The following SAP30BP variants were observed in gnomAD, a reference collection of about 807,000 sequenced individuals.
SAP30BP encodes the protein SAP30-binding protein.
A neutral mutation model predicts 46.3 loss-of-function variants in SAP30BP; 31 were observed. The ratio of observed to expected loss-of-function variants is 0.67; its 90% CI spans 0.50 to 0.90. The LOEUF is 0.90. Among genes scored for constraint, SAP30BP ranks in the 40% least tolerant of loss-of-function variants. The probability of loss-of-function intolerance (pLI) is 0.00; values close to 1 mark genes in which losing one functional copy is unlikely to be tolerated. For missense variants in SAP30BP, 312 were observed against 391.0 expected (o/e 0.80, Z 1.70); for synonymous variants, 169 against 144.2 (o/e 1.17, Z -1.23).
intron 3 of SAP30BP, among the ~76,000 whole-genome samples, chr17:75,675,909 C>T (rs2059982880): frequency 6.6e-6 from 1 of 152,118 alleles, no homozygotes; most frequent in Non-Finnish European, 1.5e-5. Context: ...AGACTGAAAC[C>T]TTGTCTCAAA....
At chr17:75,686,799 TG>T (rs2060164157) in intron 3 of SAP30BP, among the ~76,000 whole-genome samples, 1 of 152,202 alleles carries the variant, frequency 6.6e-6, no homozygotes, top group Non-Finnish European at 1.5e-5. Flanking sequence ...ATCTGGCCTC[TG>T]GGGTGGGATG....
chr17:75,703,712 G>A, intron 7 of SAP30BP, 96 bp from the exon 8 acceptor site: 1 of 1,121,128 alleles, frequency 8.9e-7, no homozygotes, highest in Non-Finnish European at 1.4e-6. Flanking sequence ...CCGGGTAAGG[G>A]GACCCCAGAC....
chr17:75,681,675 T>C (rs536986238), intron 3 of SAP30BP, among the ~76,000 whole-genome samples: 15 of 152,244 alleles, frequency 9.9e-5, no homozygotes, highest in Non-Finnish European at 2.1e-4. Context: ...AAATCTTATA[T>C]TCTTTTTATT....
chr17:75,692,595 C>A, intron 3 of SAP30BP: 1 of 798,282 alleles, frequency 1.3e-6, no homozygotes, highest in Non-Finnish European at 1.5e-6. Flanking sequence ...AGGGCTTGGA[C>A]CGTGGCTTTC....
intron 3 of SAP30BP, among the ~76,000 whole-genome samples, chr17:75,689,122 C>G (rs2060205367): frequency 6.6e-6 from 1 of 150,774 alleles, no homozygotes. Flanking sequence ...TCTAACTTGG[C>G]TTTTGTTTTT....
intron 9 of SAP30BP, 40 bp downstream of exon 9, chr17:75,704,854 T>A (rs1426451360): frequency 1.3e-6 from 2 of 1,494,132 alleles, no homozygotes; most frequent in African/African-American, 2.8e-5. Flanking sequence ...AAGGCACATG[T>A]GGAGTGCATG....
In SAP30BP at chr17:75,668,501, T is replaced by A; in HGVS notation, c.107-15T>A. 1 of 1,477,902 alleles carries A rather than the reference T, an allele frequency of 6.8e-7. No individual in the cohort carries two copies. The highest frequency in any genetic ancestry group is 9.2e-7 in the Non-Finnish European group (1 of 1,092,252). The allele number at this position is 1,477,902 out of a possible 1,614,324, so 91.5% of individuals were successfully genotyped here. A position where few individuals can be genotyped will look rare whatever the true frequency, so the allele number is the denominator to read the frequency against. On this transcript the variant is annotated splice_polypyrimidine_tract_variant and intron_variant, in intron 1 of 10. Coordinates refer to ENST00000584667, the MANE Select transcript of SAP30BP (RefSeq NM_013260.8). Reference sequence around the variant, plus strand: ...TCTTGCTTTTTGTTTGTTTGTTTGTTTTTTAACCTTTCAGAGGAGAAAGGC... The same window carrying A: ...TCTTGCTTTTTGTTTGTTTGTTTGTATTTTAACCTTTCAGAGGAGAAAGGC...
At chr17:75,697,404 G>A (rs1344674566) in intron 4 of SAP30BP, among the ~76,000 whole-genome samples, 1 of 152,206 alleles carries the variant, frequency 6.6e-6, no homozygotes, top group Admixed American at 6.5e-5. Context: ...TGGGAAGAAG[G>A]AGGAAGTTAG....
chr17:75,692,064 C>T (rs1377187998), intron 3 of SAP30BP: 1 of 223,148 alleles, frequency 4.5e-6, no homozygotes, highest in Non-Finnish European at 7.6e-6. Flanking sequence ...ACCTGATTGG[C>T]AGGGGGCAGT....
chr17:75,706,257 G>C lies in SAP30BP; in HGVS notation c.746-83G>C. 2 of 1,551,456 alleles carry C rather than the reference G, an allele frequency of 1.3e-6. No individual in the cohort carries two copies. Among genetic ancestry groups the C allele is most frequent in the African/African-American group, 2.7e-5 (2 of 74,152 alleles). On this transcript the variant is annotated intron_variant, in intron 10 of 10. Transcript: ENST00000584667. The surrounding 1 kb of genome is among the most constrained non-coding windows in gnomAD (Gnocchi z 4.6). Reference sequence around the variant, plus strand: ...GGGCCACTTCGGGGTCTGCTCCCTAGACTCCCGCTGGCCTGCAGGGGGAAG... The same window carrying C: ...GGGCCACTTCGGGGTCTGCTCCCTACACTCCCGCTGGCCTGCAGGGGGAAG...
rs778680337 is a variant in SAP30BP, at chr17:75,706,350, G to A, written c.756G>A (p.Lys252=). 1 of 1,613,404 alleles carries A rather than the reference G, an allele frequency of 6.2e-7. No homozygotes were observed. The highest frequency in any genetic ancestry group is 1.1e-5 in the South Asian group (1 of 91,084). ...CTGCTTTATCTCCAGATGCTCAGAA[G>A]AGAAAGAGCAAGTGGGATTCGGCTA... ...TASTAVADAQ[K]RKSKWDSAIP... is the part of the protein sequence containing the mutation. The change falls in exon 11 of 11, where the codon AAG becomes AAA. Residue 252 remains lysine (K), a synonymous_variant. Transcript: ENST00000584667. The surrounding 1 kb of genome is among the most constrained non-coding windows in gnomAD (Gnocchi z 4.6).
At chr17:75,678,869 C>T (rs563375238) in intron 3 of SAP30BP, among the ~76,000 whole-genome samples, 93 of 152,212 alleles carry the variant, frequency 6.1e-4, no homozygotes, top group African/African-American at 1.9e-3. Flanking sequence ...TGAAGCCGCG[C>T]GCAGAATTCC....
At chr17:75,669,799 C>G (rs2148365941) in intron 2 of SAP30BP, among the ~76,000 whole-genome samples, 1 of 152,248 alleles carries the variant, frequency 6.6e-6, no homozygotes, top group South Asian at 2.1e-4. Context: ...AAAGGAGAAC[C>G]TGTGCTATTA....
At chr17:75,699,681 T>TTCA in intron 4 of SAP30BP, 102 bp from the exon 5 acceptor site, 6 of 769,656 alleles carry the variant, frequency 7.8e-6, no homozygotes, top group Non-Finnish European at 1.1e-5. Flanking sequence ...TTCATAGTGT[T>TTCA]TATCCCTACC....
Position 75,706,312 on chromosome 17 carries a change from G to A in SAP30BP, c.746-28G>A, listed in dbSNP as rs371619366. ...AGAGGGCACCGCTCATTGGTGGATC[G>A]TGATCCTGATTTCTGCTTTATCTCC... is the stretch of plus-strand genomic sequence containing the variant. On this transcript the variant is annotated intron_variant, in intron 10 of 10. Transcript: ENST00000584667. The surrounding 1 kb of genome is among the most constrained non-coding windows in gnomAD (Gnocchi z 4.6). 303 of 1,605,400 alleles carry A rather than the reference G, an allele frequency of 1.9e-4. No homozygotes were observed. The highest frequency in any genetic ancestry group is 2.4e-4 in the Non-Finnish European group (284 of 1,176,328).
chr17:75,706,680 C>A lies in SAP30BP; in HGVS notation c.*159C>A. On this transcript the variant is annotated 3_prime_UTR_variant, in exon 11 of 11. Transcript: ENST00000584667. This position sits in a 1 kb window ranked among gnomAD's most constrained non-coding sequence, Gnocchi z 4.6. ...ATTCCAGATGGAAGGACAGGCAGCACGGGAGCCAGGCGCTGTGGACAGGGT... is the reference window on the plus strand; with the variant it reads ...ATTCCAGATGGAAGGACAGGCAGCAAGGGAGCCAGGCGCTGTGGACAGGGT... 5.9e-6 allele frequency: 4 copies of A among 680,582 alleles called. No individual in the cohort carries two copies. Among genetic ancestry groups the A allele is most frequent in the Non-Finnish European group, 7.4e-6 (3 of 404,404 alleles). 42.2% of individuals were successfully genotyped at this position (680,582 alleles called of 1,614,324 possible).
rs777912855 is a variant in SAP30BP at position 75,703,864 on chromosome 17, C to A, written c.601+5C>A. The A allele has an allele frequency of 1.6e-5, 26 of 1,605,722 alleles. No homozygotes were observed. The East Asian group carries it at 5.3e-4, about 33-fold the overall frequency. On this transcript the variant is annotated splice_donor_5th_base_variant and intron_variant, in intron 8 of 10. Coordinates refer to ENST00000584667, the MANE Select transcript of SAP30BP (RefSeq NM_013260.8). ...ACTCCTACTATGAGGCATTAGGTAG[C>A]CTTTCGTCCCTCCTCCCATATACCT... is the stretch of plus-strand genomic sequence containing the variant.
chr17:75,705,936 A>G, intron 9 of SAP30BP, 72 bp from the exon 10 acceptor site: 1 of 1,595,950 alleles, frequency 6.3e-7, no homozygotes, highest in South Asian at 1.1e-5. Flanking sequence ...GTCCCCCAGG[A>G]GCTGACGGAT....
In SAP30BP at chr17:75,695,026, C is replaced by T. The variant is rs536399002; in HGVS notation, c.307+1544C>T. ...GTGATACAGAACGCACCCATCACTC[C>T]GAAATGTTCCCTTGTGCCCCGACCG... On this transcript the variant is annotated intron_variant, in intron 4 of 10. Coordinates refer to ENST00000584667, the MANE Select transcript of SAP30BP (RefSeq NM_013260.8). Among the ~76,000 whole-genome samples, 14 of 152,280 alleles carry T rather than the reference C, an allele frequency of 9.2e-5. 1 individual carries two copies. The South Asian group carries it at 2.9e-3, about 32-fold the overall frequency.
Sources: gnomAD v4.1 joint callset for allele counts (sites outside exome capture counted in the v4.1 genomes callset) on GRCh38, gnomAD v4.1.1 for gene constraint, Gnocchi (gnomAD v3.1) non-coding constraint, MANE v1.5 for transcripts, NCBI Gene and HGNC (gene_info 2026-07-23, HGNC 2026-07-21) for gene names.